Variants in KCNQ1OT1 observed in about 807,000 individuals in gnomAD.
The protein encoded by KCNQ1OT1 is KCNQ1 opposite strand/antisense transcript 1.
rs1261489132 is a variant in KCNQ1OT1, at chr11:2,679,525, C to A, written n.20470G>T. 1 of 398,450 alleles carries A rather than the reference C, an allele frequency of 2.5e-6. No individual in the cohort carries two copies. The highest frequency in any genetic ancestry group is 4.4e-5 in the Admixed American group (1 of 22,706). 24.7% of individuals were successfully genotyped at this position (398,450 alleles called of 1,614,324 possible). ...AGTGTTACTTAAATGTATTGCTATA[C>A]CTCATGATGGCCATTCCATCCATTG... On this transcript the variant is annotated non_coding_transcript_exon_variant, in exon 1 of 1. Transcript: ENST00000597346. The surrounding 1 kb of genome is among the most constrained non-coding windows in gnomAD (Gnocchi z 4.8).
Position 2,612,947 on chromosome 11 carries a change from G to C in KCNQ1OT1, n.87048C>G. On this transcript the variant is annotated non_coding_transcript_exon_variant, in exon 1 of 1. Coordinates refer to ENST00000597346, the Ensembl canonical transcript of KCNQ1OT1. The surrounding 1 kb of genome is among the most constrained non-coding windows in gnomAD (Gnocchi z 5.5). ...ATGCCTTCTCTGCATGGATTCTGCA[G>C]AGTCTGTGTTCTCCTGCAGTGTGCA... The C allele has an allele frequency of 5.0e-6, 2 of 398,524 alleles. No individual in the cohort carries two copies. Among genetic ancestry groups the C allele is most frequent in the South Asian group, 2.5e-4 (2 of 7,854 alleles). 24.7% of individuals were successfully genotyped at this position (398,524 alleles called of 1,614,324 possible). A position where few individuals can be genotyped will look rare whatever the true frequency, so the allele number is the denominator to read the frequency against.
exon 1 of KCNQ1OT1, chr11:2,689,146 G>C: frequency 2.5e-6 from 1 of 398,758 alleles, no homozygotes; most frequent in African/African-American, 2.1e-5. Context: ...CCTAAGGAGA[G>C]CTACAGGTGG....
chr11:2,644,304 T>C (rs1055174364), exon 1 of KCNQ1OT1: 6 of 398,472 alleles, frequency 1.5e-5, no homozygotes, highest in Middle Eastern at 6.3e-4. Flanking sequence ...GTCTGAGTCA[T>C]TTCAAAAGAC....
At position 2,654,956 on chromosome 11, in the gene KCNQ1OT1, T is replaced by A. The variant is rs1158353507; in HGVS notation, n.45039A>T. On this transcript the variant is annotated non_coding_transcript_exon_variant, in exon 1 of 1. Coordinates refer to ENST00000597346, the Ensembl canonical transcript of KCNQ1OT1. The surrounding 1 kb of genome is among the most constrained non-coding windows in gnomAD (Gnocchi z 6.4). ...ACAGGAGACTTCCACAAATTATTGTTTCTTGACTTGGAAAAGTATCATGCA... is the reference window on the plus strand; with the variant it reads ...ACAGGAGACTTCCACAAATTATTGTATCTTGACTTGGAAAAGTATCATGCA... 1 of 398,472 alleles carries A rather than the reference T, an allele frequency of 2.5e-6. No homozygotes were observed. The highest frequency in any genetic ancestry group is 4.4e-6 in the Non-Finnish European group (1 of 226,070). 24.7% of individuals were successfully genotyped at this position (398,472 alleles called of 1,614,324 possible).
At position 2,653,033 on chromosome 11, in the gene KCNQ1OT1, A is replaced by C; in HGVS notation, n.46962T>G. ...ATCTATTCTGCACACCTTTGATCCA[A>C]TGTGAGATCCAACATGTTCCATAAT... On this transcript the variant is annotated non_coding_transcript_exon_variant, in exon 1 of 1. Coordinates refer to ENST00000597346, the Ensembl canonical transcript of KCNQ1OT1. The surrounding 1 kb of genome is among the most constrained non-coding windows in gnomAD (Gnocchi z 5.3). 1 of 398,650 alleles carries C rather than the reference A, an allele frequency of 2.5e-6. No homozygotes were observed. Among genetic ancestry groups the C allele is most frequent in the East Asian group, 3.6e-5 (1 of 28,076 alleles). 24.7% of individuals were successfully genotyped at this position (398,650 alleles called of 1,614,324 possible).
chr11:2,635,820 G>A (rs939007531), exon 1 of KCNQ1OT1: 1 of 152,182 alleles, frequency 6.6e-6, no homozygotes, highest in Non-Finnish European at 1.5e-5. Flanking sequence ...CATGAGCATG[G>A]AATGTTCTTC....
chr11:2,613,871 A>G lies in KCNQ1OT1; in HGVS notation n.86124T>C. The G allele has an allele frequency of 2.5e-6, 1 of 398,548 alleles. No individual in the cohort carries two copies. Among genetic ancestry groups the G allele is most frequent in the Non-Finnish European group, 4.4e-6 (1 of 226,058 alleles). The allele number at this position is 398,548 out of a possible 1,614,324, so 24.7% of individuals were successfully genotyped here. A position where few individuals can be genotyped will look rare whatever the true frequency, so the allele number is the denominator to read the frequency against. On this transcript the variant is annotated non_coding_transcript_exon_variant, in exon 1 of 1. Coordinates refer to ENST00000597346, the Ensembl canonical transcript of KCNQ1OT1. The surrounding 1 kb of genome is among the most constrained non-coding windows in gnomAD (Gnocchi z 4.8). ...TATAGTTTGTGTGTGTTTGCTCTTTATAAGACATGATTATTTTCTCATTTC... is the reference window on the plus strand; with the variant it reads ...TATAGTTTGTGTGTGTTTGCTCTTTGTAAGACATGATTATTTTCTCATTTC...
exon 1 of KCNQ1OT1, chr11:2,699,108 C>A: frequency 2.5e-6 from 1 of 398,666 alleles, no homozygotes; most frequent in Non-Finnish European, 4.4e-6. Context: ...AGCGCGGACT[C>A]AGAACCACGA....
Position 2,668,407 on chromosome 11 carries a change from A to G in KCNQ1OT1, n.31588T>C. 1 of 398,530 alleles carries G rather than the reference A, an allele frequency of 2.5e-6. No homozygotes were observed. The highest frequency in any genetic ancestry group is 4.4e-6 in the Non-Finnish European group (1 of 226,056). The allele number at this position is 398,530 out of a possible 1,614,324, so 24.7% of individuals were successfully genotyped here. On this transcript the variant is annotated non_coding_transcript_exon_variant, in exon 1 of 1. Coordinates refer to ENST00000597346, the Ensembl canonical transcript of KCNQ1OT1. The surrounding 1 kb of genome is among the most constrained non-coding windows in gnomAD (Gnocchi z 4.3). ...GCAGTCTACCAAAGGAGTCATTCCA[A>G]TTTTCATTCCCACAGGCAGCATTCT...
At position 2,666,965 on chromosome 11, in the gene KCNQ1OT1, C is replaced by G. The variant is rs964729906; in HGVS notation, n.33030G>C. On this transcript the variant is annotated non_coding_transcript_exon_variant, in exon 1 of 1. Coordinates refer to ENST00000597346, the Ensembl canonical transcript of KCNQ1OT1. Reference sequence around the variant, plus strand: ...CTGCACGAGATGCCAAGGAAGCCCTCTGGGGGCCCGCCCGGGAGGGCTGTA... The same window carrying G: ...CTGCACGAGATGCCAAGGAAGCCCTGTGGGGGCCCGCCCGGGAGGGCTGTA... 7.5e-6 allele frequency: 3 copies of G among 398,744 alleles called. No individual in the cohort carries two copies. The East Asian group carries it at 1.1e-4, about 14-fold the overall frequency. The allele number at this position is 398,744 out of a possible 1,614,324, so 24.7% of individuals were successfully genotyped here.
chr11:2,662,087 T>C, exon 1 of KCNQ1OT1: 1 of 1,614,068 alleles, frequency 6.2e-7, no homozygotes, highest in Non-Finnish European at 8.5e-7. Flanking sequence ...TCACAGTGAG[T>C]GCCTACATGT....
chr11:2,676,487 A>T lies in KCNQ1OT1; in HGVS notation n.23508T>A, dbSNP rs1277019304. 2.5e-6 allele frequency: 1 copy of T among 398,574 alleles called. No individual in the cohort carries two copies. The highest frequency in any genetic ancestry group is 4.4e-6 in the Non-Finnish European group (1 of 226,106). 24.7% of individuals were successfully genotyped at this position (398,574 alleles called of 1,614,324 possible). A position where few individuals can be genotyped will look rare whatever the true frequency, so the allele number is the denominator to read the frequency against. ...TGTTAGCTGTAGTCTTTCTGGCATC[A>T]GTTCCATTTCTGGTGAACACTTGGA... On this transcript the variant is annotated non_coding_transcript_exon_variant, in exon 1 of 1. Transcript: ENST00000597346. The surrounding 1 kb of genome is among the most constrained non-coding windows in gnomAD (Gnocchi z 4.2).
exon 1 of KCNQ1OT1, chr11:2,662,977 C>G (rs1464092657): frequency 2.8e-5 from 11 of 398,602 alleles, no homozygotes; most frequent in Non-Finnish European, 4.4e-5. Flanking sequence ...TTGCAGCCAG[C>G]CAGGTGCAAG....
exon 1 of KCNQ1OT1, chr11:2,656,463 G>C (rs1849849703): frequency 2.5e-6 from 1 of 398,570 alleles, no homozygotes; most frequent in Admixed American, 4.4e-5. Context: ...GTGGTTTCCT[G>C]CTGGAAGTCT....
rs141799528 is a variant in KCNQ1OT1 at position 2,647,165 on chromosome 11, C to CT, written n.52829dup. The CT allele has an allele frequency of 9.2e-3, 3,486 of 379,018 alleles. 45 individuals are homozygous for CT. Among genetic ancestry groups the CT allele is most frequent in the East Asian group, 0.082 (2,227 of 27,066 alleles). The allele number at this position is 379,018 out of a possible 1,614,324, so 23.5% of individuals were successfully genotyped here. A position where few individuals can be genotyped will look rare whatever the true frequency, so the allele number is the denominator to read the frequency against. Reference sequence around the variant, plus strand: ...TTCCTTCTAGACATTATGTGATGAGCTTTTTTTTTTATCATGAAGAGATTT... The same window carrying CT: ...TTCCTTCTAGACATTATGTGATGAGCTTTTTTTTTTTATCATGAAGAGATTT... On this transcript the variant is annotated non_coding_transcript_exon_variant, in exon 1 of 1. Transcript: ENST00000597346. This position sits in a 1 kb window ranked among gnomAD's most constrained non-coding sequence, Gnocchi z 4.0.
exon 1 of KCNQ1OT1, chr11:2,628,688 T>C (rs1849300876): frequency 2.5e-6 from 1 of 398,322 alleles, no homozygotes; most frequent in African/African-American, 2.1e-5. Context: ...GCTTTTGATG[T>C]CACATCTAAA....
At position 2,617,972 on chromosome 11, in the gene KCNQ1OT1, T is replaced by C. The variant is rs553536621; in HGVS notation, n.82023A>G. On this transcript the variant is annotated non_coding_transcript_exon_variant, in exon 1 of 1. Coordinates refer to ENST00000597346, the Ensembl canonical transcript of KCNQ1OT1. This position sits in a 1 kb window ranked among gnomAD's most constrained non-coding sequence, Gnocchi z 4.6. ...TATATGGTTGGCAAATATTTTCTTCTAGTCCATAGGTTGCCTTTTCCTTTT... is the reference window on the plus strand; with the variant it reads ...TATATGGTTGGCAAATATTTTCTTCCAGTCCATAGGTTGCCTTTTCCTTTT... 1 of 398,576 alleles carries C rather than the reference T, an allele frequency of 2.5e-6. No homozygotes were observed. The highest frequency in any genetic ancestry group is 1.3e-4 in the South Asian group (1 of 7,860). 24.7% of individuals were successfully genotyped at this position (398,576 alleles called of 1,614,324 possible). A position where few individuals can be genotyped will look rare whatever the true frequency, so the allele number is the denominator to read the frequency against.
exon 1 of KCNQ1OT1, chr11:2,699,893 G>T (rs1020380098): frequency 2.5e-6 from 1 of 398,246 alleles, no homozygotes; most frequent in Non-Finnish European, 4.4e-6. Context: ...GGAGGACCAC[G>T]CTGAGAGGCA....
At chr11:2,638,852 A>G (rs1849522976) in exon 1 of KCNQ1OT1, 1 of 152,212 alleles carries the variant, frequency 6.6e-6, no homozygotes, top group Non-Finnish European at 1.5e-5. Flanking sequence ...CATGTACACC[A>G]GTCAGATGTA....
Sources: allele counts gnomAD v4.1 joint callset, GRCh38; gene constraint gnomAD v4.1.1; non-coding constraint Gnocchi (gnomAD v3.1); transcripts MANE v1.5; gene names NCBI Gene and HGNC (gene_info 2026-07-23, HGNC 2026-07-21).